The following RAB30 variants were observed in gnomAD, a reference collection of about 807,000 sequenced individuals.
RAB30 encodes the protein ras-related protein Rab-30.
In RAB30, 9 loss-of-function variants were observed where a neutral mutation model predicts 25.1. The ratio of observed to expected loss-of-function variants is 0.36; its 90% confidence interval spans 0.22 to 0.63. The LOEUF is 0.63. RAB30 is among the 20% of genes least tolerant of loss of function. The pLI is 0.69. For missense variants in RAB30, 140 were observed against 243.5 expected, an observed-to-expected ratio of 0.58 and a Z score of 2.83; for synonymous variants, 77 against 86.4, an observed-to-expected ratio of 0.89 and a Z score of 0.60.
rs1017685085 is a variant in RAB30 at position 82,977,166 on chromosome 11, T to A, written c.*4999A>T. ...CTATGTTTAGCAAGTGATAAATGAA[T>A]ATACTTCATGTAACTTCTACTAAAA... On this transcript the variant is annotated 3_prime_UTR_variant, in exon 5 of 5. Transcript: ENST00000527633. 6.6e-6 allele frequency: 1 copy of A among 152,234 alleles called. No individual in the cohort carries two copies. The highest frequency in any genetic ancestry group is 1.5e-5 in the Non-Finnish European group (1 of 68,038). 9.4% of individuals were successfully genotyped at this position (152,234 alleles called of 1,614,324 possible).
rs574840142 is a variant in RAB30, at chr11:83,050,925, C to T, written c.-9+20766G>A. ...CTGTACTGCAGCCTGGGCAACAAAG[C>T]GAGACTCTGTCTCTTAACAGCTTTT... is the stretch of plus-strand genomic sequence containing the variant. On this transcript the variant is annotated intron_variant, in intron 1 of 4. Transcript: ENST00000527633. Among the ~76,000 whole-genome samples, 553 of 152,190 alleles carry T rather than the reference C, an allele frequency of 3.6e-3. 2 individuals are homozygous for T. The highest frequency in any genetic ancestry group is 0.013 in the African/African-American group (528 of 41,522).
intron 1 of RAB30, among the ~76,000 whole-genome samples, chr11:83,028,962 T>C (rs1025419458): frequency 1.3e-5 from 2 of 152,218 alleles, no homozygotes; most frequent in African/African-American, 2.4e-5. Context: ...AGTTCGAGGC[T>C]ACAATGAGCT....
chr11:83,040,501 G>T (rs1335330104), intron 1 of RAB30, among the ~76,000 whole-genome samples: 1 of 151,380 alleles, frequency 6.6e-6, no homozygotes, highest in South Asian at 2.1e-4. Flanking sequence ...TGAGGCAGGA[G>T]AATTGCTTGA....
rs2121512232 is a variant in RAB30 at position 83,020,811 on chromosome 11, A to G, written c.-8-23487T>C. Among the ~76,000 whole-genome samples, 2 of 152,242 alleles carry G rather than the reference A, an allele frequency of 1.3e-5. 1 individual carries two copies. Among genetic ancestry groups the G allele is most frequent in the South Asian group, 4.2e-4 (2 of 4,814 alleles). ...CTACCTTCTCTGCTGAGAGCTGCAG[A>G]CAATGGGACAACCTGCTTGTAGAGT... On this transcript the variant is annotated intron_variant, in intron 1 of 4. Transcript: ENST00000527633.
chr11:83,052,542 C>A (rs11233441), intron 1 of RAB30, among the ~76,000 whole-genome samples: 5,339 of 152,302 alleles, frequency 0.035, 142 homozygotes, highest in East Asian at 0.1. Context: ...ACAGCAAGGG[C>A]TAAAGGGCCT....
At chr11:83,061,936 C>G (rs1858592669) in intron 1 of RAB30, among the ~76,000 whole-genome samples, 1 of 151,622 alleles carries the variant, frequency 6.6e-6, no homozygotes, top group Non-Finnish European at 1.5e-5. Flanking sequence ...CACCTGGCAC[C>G]CAGTAGATGC....
At chr11:83,055,606 T>G (rs1010948332) in intron 1 of RAB30, among the ~76,000 whole-genome samples, 1 of 152,270 alleles carries the variant, frequency 6.6e-6, no homozygotes, top group Non-Finnish European at 1.5e-5. Flanking sequence ...AAAGGAGTGC[T>G]ATGATTTGAA....
intron 1 of RAB30, among the ~76,000 whole-genome samples, chr11:83,064,215 C>G (rs1395160432): frequency 1.3e-5 from 2 of 152,160 alleles, no homozygotes; most frequent in East Asian, 1.9e-4. Flanking sequence ...CAGCCGCACC[C>G]TTCCCCATAG....
chr11:83,056,090 G>A (rs1858453551), intron 1 of RAB30, among the ~76,000 whole-genome samples: 2 of 152,180 alleles, frequency 1.3e-5, no homozygotes, highest in African/African-American at 4.8e-5. Flanking sequence ...TCAATAACAT[G>A]AAGTATATTC....
At chr11:82,996,676 A>G (rs776213214) in intron 2 of RAB30, among the ~76,000 whole-genome samples, 2 of 152,230 alleles carry the variant, frequency 1.3e-5, no homozygotes, top group Non-Finnish European at 2.9e-5. Flanking sequence ...CAGAGAGGCC[A>G]TTCAATTCAG....
At position 82,992,369 on chromosome 11, in the gene RAB30, G is replaced by A; in HGVS notation, c.177+1670C>T. On this transcript the variant is annotated intron_variant, in intron 3 of 4. Transcript: ENST00000527633. Reference sequence around the variant, plus strand: ...CCCATTCACTGCTGTATTTGGTGTGGATGTCTCTGCAGTATGAGCTATTTT... The same window carrying A: ...CCCATTCACTGCTGTATTTGGTGTGAATGTCTCTGCAGTATGAGCTATTTT... 3 of 456,188 alleles carry A rather than the reference G, an allele frequency of 6.6e-6. 1 individual carries two copies. The highest frequency in any genetic ancestry group is 4.6e-5 in the South Asian group (3 of 64,544). 28.3% of individuals were successfully genotyped at this position (456,188 alleles called of 1,614,324 possible). A position where few individuals can be genotyped will look rare whatever the true frequency, so the allele number is the denominator to read the frequency against.
intron 1 of RAB30, among the ~76,000 whole-genome samples, chr11:83,051,120 C>T (rs1364798109): frequency 6.6e-6 from 1 of 152,126 alleles, no homozygotes; most frequent in African/African-American, 2.4e-5. Context: ...CACTTTCAGA[C>T]CTGGCCCATG....
intron 1 of RAB30, among the ~76,000 whole-genome samples, chr11:83,043,703 T>C (rs1401317118): frequency 6.6e-6 from 1 of 152,214 alleles, no homozygotes; most frequent in Non-Finnish European, 1.5e-5. Context: ...TAGCAATTGG[T>C]AAACCTAAGT....
At chr11:83,014,121 C>A (rs1397245238) in intron 1 of RAB30, among the ~76,000 whole-genome samples, 1 of 152,170 alleles carries the variant, frequency 6.6e-6, no homozygotes, top group Non-Finnish European at 1.5e-5. Context: ...GGAAAATAAG[C>A]ATATACACAA....
chr11:83,054,408 A>C (rs1352972543), intron 1 of RAB30, among the ~76,000 whole-genome samples: 2 of 152,218 alleles, frequency 1.3e-5, no homozygotes, highest in Non-Finnish European at 2.9e-5. Flanking sequence ...TAGATATAAA[A>C]CTTGTGTTTG....
rs1456592597 is a variant in RAB30 at position 82,979,616 on chromosome 11, A to T, written c.*2549T>A. On this transcript the variant is annotated 3_prime_UTR_variant, in exon 5 of 5. Coordinates refer to ENST00000527633, the MANE Select transcript of RAB30 (RefSeq NM_001286060.2). ...CACTACCACCCCACCTTGGCACTTA[A>T]ATGTTTATTTGACTAATATTTATTG... 1 of 152,154 alleles carries T rather than the reference A, an allele frequency of 6.6e-6. No individual in the cohort carries two copies. The highest frequency in any genetic ancestry group is 2.4e-5 in the African/African-American group (1 of 41,436). The allele number at this position is 152,154 out of a possible 1,614,324, so 9.4% of individuals were successfully genotyped here.
At chr11:83,017,258 G>T (rs1201097319) in intron 1 of RAB30, among the ~76,000 whole-genome samples, 1 of 152,156 alleles carries the variant, frequency 6.6e-6, no homozygotes, top group Non-Finnish European at 1.5e-5. Context: ...TATCATTTGA[G>T]CCTGGGAAGT....
At chr11:83,060,473 C>T (rs535892692) in intron 1 of RAB30, among the ~76,000 whole-genome samples, 1 of 152,224 alleles carries the variant, frequency 6.6e-6, no homozygotes, top group African/African-American at 2.4e-5. Flanking sequence ...TCTGGCAATA[C>T]CACCTCAACC....
At chr11:83,023,905 T>C (rs1857646148) in intron 1 of RAB30, among the ~76,000 whole-genome samples, 1 of 152,196 alleles carries the variant, frequency 6.6e-6, no homozygotes, top group African/African-American at 2.4e-5. Flanking sequence ...CCACCTGCCA[T>C]GCCTTCCCTC....
Sources: allele counts gnomAD v4.1 joint callset (sites outside exome capture counted in the v4.1 genomes callset), GRCh38; gene constraint gnomAD v4.1.1; transcripts MANE v1.5; gene names NCBI Gene and HGNC (gene_info 2026-07-23, HGNC 2026-07-21).